The following PPP4R3B variants were observed in gnomAD, a reference collection of about 807,000 sequenced individuals.
PPP4R3B encodes the protein serine/threonine-protein phosphatase 4 regulatory subunit 3B.
PPP4R3B carries 52 observed loss-of-function variants against 95.4 expected under a neutral mutation model. That is an observed-to-expected ratio of 0.54 (90% CI 0.44 to 0.69). The LOEUF (loss-of-function observed/expected upper bound fraction) is 0.69. PPP4R3B is among the 30% of genes least tolerant of loss of function. The probability of loss-of-function intolerance (pLI) is 0.00; values close to 1 mark genes in which losing one functional copy is unlikely to be tolerated. For synonymous variants in PPP4R3B, 407 were observed against 343.9 expected (o/e 1.18, Z -2.03); for missense variants, 1,003 against 1,005.9 (o/e 1.00, Z 0.04).
At chr2:55,570,123 G>A (rs1304895579) in intron 12 of PPP4R3B, among the ~76,000 whole-genome samples, 2 of 152,204 alleles carry the variant, frequency 1.3e-5, no homozygotes, top group East Asian at 1.9e-4. Flanking sequence ...GCTGGCAGGC[G>A]CCTGTAGTCC....
intron 7 of PPP4R3B, 76 bp downstream of exon 7, chr2:55,584,975 G>GT: frequency 1.8e-6 from 2 of 1,090,948 alleles, no homozygotes; most frequent in South Asian, 1.5e-5. Context: ...ATTATGTTAT[G>GT]TTTTTTCTCT....
At chr2:55,573,833 T>C in intron 11 of PPP4R3B, 56 bp from the exon 12 acceptor site, 2 of 1,107,534 alleles carry the variant, frequency 1.8e-6, no homozygotes, top group Non-Finnish European at 2.4e-6. Flanking sequence ...AAATAAAGAA[T>C]AAATAAAGCT....
Position 55,598,723 on chromosome 2 carries a change from T to C in PPP4R3B, c.614A>G (p.Asn205Ser). 6.2e-7 allele frequency: 1 copy of C among 1,614,242 alleles called. No individual in the cohort carries two copies. Among genetic ancestry groups the C allele is most frequent in the South Asian group, 1.1e-5 (1 of 91,090 alleles). Residue 205 changes from asparagine (N) to serine (S), a missense_variant, in exon 4 of 17, where the codon AAT becomes AGT. Physicochemically the swap from Asn to Ser is conservative, Grantham distance 46. This residue lies in a region of PPP4R3B where 695 missense variants were observed against 686.2 expected (regional missense o/e 1.01). Transcript: ENST00000616407. ...CATTACCTCAAAAAGAGTTGCCTTATTTAGGAATAAGATTCCTCTAATAAT... is the reference window on the plus strand; with the variant it reads ...CATTACCTCAAAAAGAGTTGCCTTACTTAGGAATAAGATTCCTCTAATAAT... ...YEIIRGILFL[N>S]KATLFEVMFS...
At chr2:55,577,853 G>A (rs1688897223) in intron 10 of PPP4R3B, among the ~76,000 whole-genome samples, 1 of 151,718 alleles carries the variant, frequency 6.6e-6, no homozygotes, top group African/African-American at 2.4e-5. Flanking sequence ...TTATAAATAA[G>A]TTCCAATTTC....
intron 16 of PPP4R3B, among the ~76,000 whole-genome samples, chr2:55,555,281 A>AAT (rs1685700500): frequency 6.7e-6 from 1 of 149,706 alleles, no homozygotes; most frequent in Non-Finnish European, 1.5e-5. Flanking sequence ...CTCCGTCTAA[A>AAT]AAAAAAAAAA....
At chr2:55,550,421 C>T (rs1429301249) in intron 16 of PPP4R3B, among the ~76,000 whole-genome samples, 2 of 152,178 alleles carry the variant, frequency 1.3e-5, no homozygotes, top group Non-Finnish European at 1.5e-5. Context: ...TATATTTCAT[C>T]ACTAAGTACA....
chr2:55,606,158 C>T (rs948771826), intron 2 of PPP4R3B, among the ~76,000 whole-genome samples: 1 of 151,936 alleles, frequency 6.6e-6, no homozygotes, highest in Admixed American at 6.6e-5. Context: ...CAGTGATCTC[C>T]AAAACATTTT....
intron 16 of PPP4R3B, among the ~76,000 whole-genome samples, chr2:55,554,313 CA>C (rs1450468711): frequency 6.6e-6 from 1 of 152,214 alleles, no homozygotes; most frequent in Non-Finnish European, 1.5e-5. Context: ...CTCGGCCTCC[CA>C]AAATGCTGGG....
chr2:55,589,339 T>C (rs1197207858), intron 4 of PPP4R3B, among the ~76,000 whole-genome samples: 1 of 43,066 alleles, frequency 2.3e-5, no homozygotes, highest in Non-Finnish European at 4.5e-5. Context: ...TATAACAGAT[T>C]AGAAAAACAA....
At chr2:55,582,257 T>C (rs1045508825) in intron 7 of PPP4R3B, among the ~76,000 whole-genome samples, 7 of 152,184 alleles carry the variant, frequency 4.6e-5, no homozygotes, top group African/African-American at 1.7e-4. Flanking sequence ...TAACATGCTC[T>C]TGGATTTTAT....
intron 7 of PPP4R3B, among the ~76,000 whole-genome samples, chr2:55,583,241 T>C (rs1161266025): frequency 6.6e-6 from 1 of 151,976 alleles, no homozygotes; most frequent in East Asian, 1.9e-4. Flanking sequence ...TTAATTTGGA[T>C]TTTTTTTGGT....
At chr2:55,610,608 A>G (rs1211706836) in intron 2 of PPP4R3B, among the ~76,000 whole-genome samples, 1 of 152,050 alleles carries the variant, frequency 6.6e-6, no homozygotes, top group Non-Finnish European at 1.5e-5. Flanking sequence ...TTTACTTTTT[A>G]TATTTTGTGT....
At chr2:55,607,959 C>T (rs116028494) in intron 2 of PPP4R3B, among the ~76,000 whole-genome samples, 99 of 152,286 alleles carry the variant, frequency 6.5e-4, no homozygotes, top group African/African-American at 1.7e-3. Flanking sequence ...AGGTAAACAA[C>T]GAAATCTGAA....
chr2:55,574,098 G>A (rs140579933), intron 11 of PPP4R3B, among the ~76,000 whole-genome samples: 3 of 150,578 alleles, frequency 2.0e-5, no homozygotes, highest in Admixed American at 6.7e-5. Context: ...TCACTATGTT[G>A]TCTGGACTGG....
chr2:55,611,721 C>T (rs1483182856), intron 2 of PPP4R3B, among the ~76,000 whole-genome samples: 1 of 152,116 alleles, frequency 6.6e-6, no homozygotes, highest in African/African-American at 2.4e-5. Context: ...ACATTCCCCT[C>T]TGAATTTACT....
At chr2:55,588,467 C>T (rs1307969192) in intron 5 of PPP4R3B, among the ~76,000 whole-genome samples, 4 of 149,404 alleles carry the variant, frequency 2.7e-5, no homozygotes, top group Non-Finnish European at 4.4e-5. Flanking sequence ...GAGCCGAGAT[C>T]GCACCACTGC....
At position 55,564,302 on chromosome 2, in the gene PPP4R3B, A is replaced by T. The variant is rs994367384; in HGVS notation, c.2260+11T>A. On this transcript the variant is annotated intron_variant, in intron 15 of 16. Coordinates refer to ENST00000616407, the MANE Select transcript of PPP4R3B (RefSeq NM_001122964.3). ...GAGGGTACACTGTGCAAAAATTCCG[A>T]ATTTTAATACCTTTTTTAGTCTCCA... 1 of 1,606,734 alleles carries T rather than the reference A, an allele frequency of 6.2e-7. No homozygotes were observed. The highest frequency in any genetic ancestry group is 1.3e-5 in the African/African-American group (1 of 74,366).
intron 15 of PPP4R3B, among the ~76,000 whole-genome samples, chr2:55,561,047 G>A (rs1415199244): frequency 1.3e-5 from 2 of 152,122 alleles, no homozygotes; most frequent in Non-Finnish European, 2.9e-5. Flanking sequence ...GCCTAGGAGG[G>A]AAAAATGGTT....
intron 2 of PPP4R3B, among the ~76,000 whole-genome samples, chr2:55,611,601 T>A (rs1694174209): frequency 6.6e-6 from 1 of 152,216 alleles, no homozygotes; most frequent in Non-Finnish European, 1.5e-5. Flanking sequence ...TTCTAACTCC[T>A]TTTAGGCTCA....
Sources: allele counts gnomAD v4.1 joint callset (sites outside exome capture counted in the v4.1 genomes callset), GRCh38; gene constraint gnomAD v4.1.1; regional missense constraint gnomAD v4.1.1; transcripts MANE v1.5; gene names NCBI Gene and HGNC (gene_info 2026-07-23, HGNC 2026-07-21).